KNDC1: variants seen among roughly 807,000 people sequenced by gnomAD.
KNDC1 encodes kinase non-catalytic C-lobe domain-containing protein 1.
KNDC1 carries 106 observed loss-of-function variants against 172.8 expected under a neutral mutation model. The ratio of observed to expected loss-of-function variants is 0.61; its 90% CI spans 0.52 to 0.72. The LOEUF is 0.72. Among genes scored for constraint, KNDC1 ranks in the 30% least tolerant of loss-of-function variants. KNDC1 has a pLI of 0.00. For missense variants in KNDC1, 2,325 were observed against 2,394.5 expected (o/e 0.97, Z 0.61); for synonymous variants, 1,083 against 1,062.2 (o/e 1.02, Z -0.38).
At chr10:133,174,635 G>A (rs537380457) in intron 3 of KNDC1, among the ~76,000 whole-genome samples, 1 of 152,206 alleles carries the variant, frequency 6.6e-6, no homozygotes, top group South Asian at 2.1e-4. Flanking sequence ...TAGGTGGGTG[G>A]ATGGGCAGGT....
intron 3 of KNDC1, among the ~76,000 whole-genome samples, chr10:133,176,678 C>A (rs1180139444): frequency 6.6e-6 from 1 of 152,200 alleles, no homozygotes; most frequent in African/African-American, 2.4e-5. Context: ...ACCCATAGCC[C>A]ACAGAGGCTG....
intron 9 of KNDC1, 127 bp from the exon 10 acceptor site, chr10:133,195,536 T>G: frequency 1.2e-6 from 1 of 852,900 alleles, no homozygotes; most frequent in Non-Finnish European, 1.7e-6. Flanking sequence ...TGAGGAGGGG[T>G]CTTGAGGAGA....
Position 133,214,033 on chromosome 10 carries a change from C to A in KNDC1, c.4588C>A (p.Gln1530Lys). Residue 1530 changes from glutamine (Q) to lysine (K), a missense_variant, in exon 26 of 30, where the codon CAG becomes AAG. Physicochemically the swap from Gln to Lys is moderately conservative, Grantham distance 53. Transcript: ENST00000304613. ...CAGCTTATTTCTGCCCAATTACGTT[C>A]AGGACAAGTATCTGTTACAGCTTCT... Reference protein sequence around the residue: ...TCSLFLPNYVQDKYLLQLLRN... With the variant: ...TCSLFLPNYVKDKYLLQLLRN... 1 of 1,614,194 alleles carries A rather than the reference C, an allele frequency of 6.2e-7. No homozygotes were observed. Among genetic ancestry groups the A allele is most frequent in the Non-Finnish European group, 8.5e-7 (1 of 1,179,994 alleles).
chr10:133,201,552 C>T lies in KNDC1; in HGVS notation c.3041C>T (p.Pro1014Leu), dbSNP rs1390366104. The T allele has an allele frequency of 6.2e-7, 1 of 1,611,728 alleles. No individual in the cohort carries two copies. The part of the protein sequence containing the change: ...ARTSSRAPCS[P>L]TSVSDVDSDA... ...ACCAGCAGCAGGGCCCCCTGCTCACCCACCTCGGTGTCGGATGTGGACTCG... is the reference window on the plus strand; with the variant it reads ...ACCAGCAGCAGGGCCCCCTGCTCACTCACCTCGGTGTCGGATGTGGACTCG... The change falls in exon 17 of 30, where the codon CCC becomes CTC. Residue 1014 changes from proline (P) to leucine (L), a missense_variant. Pro to Leu is a moderately conservative substitution (Grantham distance 98, BLOSUM62 -3). Coordinates refer to ENST00000304613, the MANE Select transcript of KNDC1 (RefSeq NM_152643.8).
Position 133,206,691 on chromosome 10 carries a change from G to C in KNDC1, c.3394G>C (p.Glu1132Gln). 1 of 1,613,568 alleles carries C rather than the reference G, an allele frequency of 6.2e-7. No individual in the cohort carries two copies. The change falls in exon 18 of 30, where the codon GAA becomes CAA. Residue 1132 changes from glutamate to glutamine, a missense_variant. By Grantham distance (29) the Glu-to-Gln change is conservative. Coordinates refer to ENST00000304613, the MANE Select transcript of KNDC1 (RefSeq NM_152643.8). ...CGCTGTGTTTCGTCCCCAGGAGCTGGAACAGCAGCTCATGATGGAGAAAAG... is the reference window on the plus strand; with the variant it reads ...CGCTGTGTTTCGTCCCCAGGAGCTGCAACAGCAGCTCATGATGGAGAAAAG... ...ALPDAQSPELEQQLMMEKRNY... is the reference protein window; with the variant it reads ...ALPDAQSPELQQQLMMEKRNY...
chr10:133,183,800 C>T (rs768508792), intron 4 of KNDC1, 72 bp from the exon 5 acceptor site: 36 of 1,217,582 alleles, frequency 3.0e-5, no homozygotes, highest in Non-Finnish European at 3.4e-5. Flanking sequence ...AGGATCCGGC[C>T]GTGTCGGGTG....
At chr10:133,196,874 T>G (rs1270113126) in intron 10 of KNDC1, among the ~76,000 whole-genome samples, 184 bp from the exon 11 acceptor site, 1 of 152,172 alleles carries the variant, frequency 6.6e-6, no homozygotes, top group Non-Finnish European at 1.5e-5. Flanking sequence ...TGGCCGACTG[T>G]GAGCCCTTTT....
intron 17 of KNDC1, among the ~76,000 whole-genome samples, chr10:133,204,591 G>T (rs1281618986): frequency 6.6e-6 from 1 of 152,248 alleles, no homozygotes; most frequent in African/African-American, 2.4e-5. Flanking sequence ...GGAGAAGACA[G>T]CACAGGGACC....
At chr10:133,197,549 A>C in intron 11 of KNDC1, 126 bp from the exon 12 acceptor site, 1 of 764,316 alleles carries the variant, frequency 1.3e-6, no homozygotes. Context: ...TGTGGCCGCC[A>C]TGCCCGGCTC....
At chr10:133,215,868 G>A (rs1367690213) in intron 26 of KNDC1, among the ~76,000 whole-genome samples, 1 of 152,262 alleles carries the variant, frequency 6.6e-6, no homozygotes, top group South Asian at 2.1e-4. Flanking sequence ...CAGCGTGGCC[G>A]GGACAGAGCT....
intron 26 of KNDC1, among the ~76,000 whole-genome samples, chr10:133,215,418 C>T (rs536911833): frequency 2.6e-5 from 4 of 152,340 alleles, no homozygotes; most frequent in African/African-American, 9.6e-5. Flanking sequence ...GCAGAGGCAC[C>T]GCCTTCTCTC....
intron 1 of KNDC1, chr10:133,167,097 T>C: frequency 4.1e-6 from 2 of 490,158 alleles, no homozygotes; most frequent in Non-Finnish European, 3.7e-6. Flanking sequence ...CCAGCAGCTC[T>C]GGCCGAGCCT....
At chr10:133,190,191 T>C (rs991781459) in intron 9 of KNDC1, among the ~76,000 whole-genome samples, 4 of 152,182 alleles carry the variant, frequency 2.6e-5, no homozygotes, top group Non-Finnish European at 5.9e-5. Flanking sequence ...TCAGGAATGA[T>C]AGAAATGTGT....
Position 133,163,716 on chromosome 10 carries a change from G to A in KNDC1, c.102+3147G>A, listed in dbSNP as rs1006991843. Among the ~76,000 whole-genome samples, 2 of 151,806 alleles carry A rather than the reference G, an allele frequency of 1.3e-5. No individual in the cohort carries two copies. The highest frequency in any genetic ancestry group is 2.4e-5 in the African/African-American group (1 of 41,370). The stretch of plus-strand genomic sequence containing the variant: ...CTCGAAGTCTGCCTGGCAGTGTGGC[G>A]GGGGGTGTGGGAGCTTTCTGAATGC... On this transcript the variant is annotated intron_variant, in intron 1 of 29. Coordinates refer to ENST00000304613, the MANE Select transcript of KNDC1 (RefSeq NM_152643.8). The surrounding 1 kb of genome is among the most constrained non-coding windows in gnomAD (Gnocchi z 4.4).
intron 3 of KNDC1, among the ~76,000 whole-genome samples, chr10:133,174,702 G>GTGGATGGACAGA (rs1298534573): frequency 6.6e-6 from 1 of 151,074 alleles, no homozygotes; most frequent in Non-Finnish European, 1.5e-5. Flanking sequence ...GGGTAGATAG[G>GTGGATGGACAGA]TGGATGGACA....
Position 133,198,861 on chromosome 10 carries a change from C to A in KNDC1, c.2353C>A (p.Pro785Thr). ...AGCTCCCGGCTCTCCAGTCCCCGCC[C>A]CGCCCACGAAGGCATCTGCGCTGCC... ...SAAPGSPVPA[P>T]PTKASALPVE... Residue 785 changes from proline to threonine, a missense_variant, in exon 14 of 30, where the codon CCG (proline) becomes ACG (threonine). Coordinates refer to ENST00000304613, the MANE Select transcript of KNDC1 (RefSeq NM_152643.8). 1.9e-6 allele frequency: 3 copies of A among 1,599,396 alleles called. No homozygotes were observed. The highest frequency in any genetic ancestry group is 1.7e-6 in the Non-Finnish European group (2 of 1,176,268).
At chr10:133,176,460 G>T (rs1853541528) in intron 3 of KNDC1, among the ~76,000 whole-genome samples, 1 of 152,130 alleles carries the variant, frequency 6.6e-6, no homozygotes, top group Non-Finnish European at 1.5e-5. Context: ...ATCCCAGGAG[G>T]GTTGTTGCTG....
At chr10:133,208,537 C>CCCCAACCCCGTTA (rs1845272445) in intron 20 of KNDC1, among the ~76,000 whole-genome samples, 2 of 101,268 alleles carry the variant, frequency 2.0e-5, no homozygotes, top group Non-Finnish European at 4.3e-5. Context: ...GGACGTGGCC[C>CCCCAACCCCGTTA]CCCCAACCCC....
rs1483462389 is a variant in KNDC1 at position 133,188,752 on chromosome 10, A to G, written c.1441+99A>G. On this transcript the variant is annotated intron_variant, in intron 7 of 29. Coordinates refer to ENST00000304613, the MANE Select transcript of KNDC1 (RefSeq NM_152643.8). ...ACACCCCCGCCGTCCCACCCCCCAC[A>G]CCGTCCCACGCCCCCCCACTGTCCC... is the stretch of plus-strand genomic sequence containing the variant. The G allele has an allele frequency of 1.6e-5, 6 of 373,068 alleles. No homozygotes were observed. The African/African-American group carries it at 2.5e-4, about 16-fold the overall frequency. 23.1% of individuals were successfully genotyped at this position (373,068 alleles called of 1,614,324 possible).
Sources: allele counts gnomAD v4.1 joint callset (sites outside exome capture counted in the v4.1 genomes callset), GRCh38; gene constraint gnomAD v4.1.1; non-coding constraint Gnocchi (gnomAD v3.1); transcripts MANE v1.5; gene names NCBI Gene and HGNC (gene_info 2026-07-23, HGNC 2026-07-21).